Variants in DLGAP2 observed in about 807,000 individuals in gnomAD.
DLGAP2 encodes the protein disks large-associated protein 2.
In DLGAP2, 26 loss-of-function variants were observed where a neutral mutation model predicts 100.3. That is an observed-to-expected ratio of 0.26 (90% CI 0.19 to 0.36). The LOEUF is 0.36. Ranked by LOEUF, DLGAP2 falls within the 10% of genes least tolerant of loss-of-function variation. DLGAP2 has a pLI of 1.00. For missense variants in DLGAP2, 1,858 were observed against 1,453.2 expected (o/e 1.28, Z -4.53); for synonymous variants, 886 against 630.1 (o/e 1.41, Z -6.08).
chr8:984,271 T>C (rs1281489005), intron 2 of DLGAP2, among the ~76,000 whole-genome samples: 1 of 152,232 alleles, frequency 6.6e-6, no homozygotes, highest in Non-Finnish European at 1.5e-5. Context: ...CGAGGTGAGC[T>C]GTCTGAGCTG....
intron 4 of DLGAP2, among the ~76,000 whole-genome samples, chr8:1,531,564 A>G (rs1226161164): frequency 5.9e-5 from 9 of 152,196 alleles, no homozygotes; most frequent in Non-Finnish European, 8.8e-5. Flanking sequence ...AATATTAAGT[A>G]TGTTATTGCA....
At chr8:1,100,680 T>G (rs1804549455) in intron 2 of DLGAP2, among the ~76,000 whole-genome samples, 1 of 152,114 alleles carries the variant, frequency 6.6e-6, no homozygotes, top group South Asian at 2.1e-4. Context: ...GACTGATGAG[T>G]GTGTGAACTT....
At chr8:1,492,198 A>C (rs539903880) in intron 3 of DLGAP2, among the ~76,000 whole-genome samples, 2 of 152,318 alleles carry the variant, frequency 1.3e-5, no homozygotes, top group East Asian at 3.9e-4. Context: ...TATGGTTTTC[A>C]AAGAAAAGCC....
intron 3 of DLGAP2, among the ~76,000 whole-genome samples, chr8:1,392,991 G>A (rs1796409407): frequency 1.3e-5 from 1 of 79,830 alleles, no homozygotes; most frequent in African/African-American, 5.2e-5. Flanking sequence ...GAGGCCTCAG[G>A]AAGGCATTCG....
chr8:1,460,521 C>T (rs923177335), intron 3 of DLGAP2, among the ~76,000 whole-genome samples: 3 of 152,202 alleles, frequency 2.0e-5, no homozygotes, highest in Non-Finnish European at 4.4e-5. Context: ...GGCTGCCTTC[C>T]TGGAGCCACA....
chr8:1,409,300 A>G, intron 3 of DLGAP2, among the ~76,000 whole-genome samples: 1 of 134,606 alleles, frequency 7.4e-6, no homozygotes, highest in African/African-American at 2.8e-5. Context: ...AACTGGAACC[A>G]ACCAGTTCCT....
chr8:1,230,574 A>G (rs923486618), intron 2 of DLGAP2, among the ~76,000 whole-genome samples: 1 of 152,212 alleles, frequency 6.6e-6, no homozygotes, highest in African/African-American at 2.4e-5. Flanking sequence ...AAAAAGAACA[A>G]AGCCAGAGGC....
intron 4 of DLGAP2, among the ~76,000 whole-genome samples, chr8:1,548,171 A>C (rs895189232): frequency 1.3e-5 from 2 of 152,122 alleles, no homozygotes; most frequent in Admixed American, 6.5e-5. Flanking sequence ...TATAAAAACA[A>C]CTGCCTGGCC....
At chr8:761,600 C>A (rs2132590944) in intron 1 of DLGAP2, among the ~76,000 whole-genome samples, 1 of 152,314 alleles carries the variant, frequency 6.6e-6, no homozygotes, top group South Asian at 2.1e-4. Context: ...CACTGGGTCC[C>A]CTCCATGCAC....
chr8:1,265,177 T>A (rs1277456929), intron 3 of DLGAP2, among the ~76,000 whole-genome samples: 3 of 152,196 alleles, frequency 2.0e-5, no homozygotes, highest in Admixed American at 6.5e-5. Flanking sequence ...TAGACTTGCC[T>A]AGATATTGGA....
At chr8:955,829 T>C (rs1305014973) in intron 2 of DLGAP2, among the ~76,000 whole-genome samples, 1 of 152,188 alleles carries the variant, frequency 6.6e-6, no homozygotes, top group Admixed American at 6.5e-5. Flanking sequence ...GCCCTTGCCA[T>C]TTGCAGCTCT....
At chr8:1,348,860 C>G (rs1485697000) in intron 3 of DLGAP2, among the ~76,000 whole-genome samples, 1 of 152,216 alleles carries the variant, frequency 6.6e-6, no homozygotes, top group Non-Finnish European at 1.5e-5. Flanking sequence ...GCTTCCCCAT[C>G]CATGTCCTGC....
At chr8:1,127,751 G>T (rs1259244968) in intron 2 of DLGAP2, among the ~76,000 whole-genome samples, 1 of 152,196 alleles carries the variant, frequency 6.6e-6, no homozygotes, top group Non-Finnish European at 1.5e-5. Flanking sequence ...AAGGCCCAGA[G>T]GAGGACGGTT....
intron 2 of DLGAP2, among the ~76,000 whole-genome samples, chr8:969,047 T>G (rs1278078327): frequency 6.6e-6 from 1 of 152,178 alleles, no homozygotes; most frequent in Non-Finnish European, 1.5e-5. Context: ...TTCCCAGGCA[T>G]CAGTCAGATG....
At chr8:782,065 A>G (rs1175446855) in intron 1 of DLGAP2, among the ~76,000 whole-genome samples, 3 of 152,198 alleles carry the variant, frequency 2.0e-5, no homozygotes, top group Non-Finnish European at 2.9e-5. Context: ...AATACCTGGA[A>G]GAGAAAAATT....
At chr8:1,699,878 G>C (rs796851602) in intron 14 of DLGAP2, among the ~76,000 whole-genome samples, 18 of 152,292 alleles carry the variant, frequency 1.2e-4, no homozygotes, top group African/African-American at 4.3e-4. Flanking sequence ...CATCTCACAG[G>C]CTCACAGTTC....
At chr8:838,873 A>G (rs1348650872) in intron 1 of DLGAP2, among the ~76,000 whole-genome samples, 1 of 152,232 alleles carries the variant, frequency 6.6e-6, no homozygotes, top group African/African-American at 2.4e-5. Context: ...GAGCGAGAGC[A>G]TGTCTGTGGT....
At position 1,661,891 on chromosome 8, in the gene DLGAP2, A is replaced by G. The variant is rs112657651; in HGVS notation, c.1811-6438A>G. On this transcript the variant is annotated intron_variant, in intron 8 of 14. Coordinates refer to ENST00000637795, the MANE Select transcript of DLGAP2 (RefSeq NM_001346810.2). ...TCACCATCACTCAGCTGAAACAGAGAGCCAGATCTCCTGCAAAGCCCGCTG... is the reference window on the plus strand; with the variant it reads ...TCACCATCACTCAGCTGAAACAGAGGGCCAGATCTCCTGCAAAGCCCGCTG... Among the ~76,000 whole-genome samples the G allele has an allele frequency of 4.2e-3, 645 of 152,340 alleles. 6 individuals are homozygous for G. The highest frequency in any genetic ancestry group is 0.014 in the African/African-American group (600 of 41,568).
chr8:996,620 A>G (rs919554285), intron 2 of DLGAP2, among the ~76,000 whole-genome samples: 4 of 152,208 alleles, frequency 2.6e-5, no homozygotes, highest in African/African-American at 9.7e-5. Flanking sequence ...TTATGAATAT[A>G]AAAGGATCTT....
Sources: gnomAD v4.1 joint callset for allele counts (sites outside exome capture counted in the v4.1 genomes callset) on GRCh38, gnomAD v4.1.1 for gene constraint, MANE v1.5 for transcripts, NCBI Gene and HGNC (gene_info 2026-07-23, HGNC 2026-07-21) for gene names.